The following XIAP variants were observed in gnomAD, a reference collection of about 807,000 sequenced individuals.
XIAP encodes the protein E3 ubiquitin-protein ligase XIAP.
XIAP carries 3 observed loss-of-function variants against 33.1 expected under a neutral mutation model. The ratio of observed to expected loss-of-function variants is 0.09; its 90% CI spans 0.04 to 0.23. The LOEUF is 0.23. XIAP is among the 10% of genes least tolerant of loss of function. The probability of loss-of-function intolerance (pLI) is 1.00; values close to 1 mark genes in which losing one functional copy is unlikely to be tolerated. For missense variants in XIAP, 264 were observed against 363.0 expected (o/e 0.73, Z 2.22); for synonymous variants, 98 against 121.3 (o/e 0.81, Z 1.26).
At chrX:123,890,621 C>T (rs1399862819) in intron 3 of XIAP, among the ~76,000 whole-genome samples, 1 of 87,351 alleles carries the variant, frequency 1.1e-5, no homozygotes. Context: ...GCCTGGGCGA[C>T]AGAGTGAGAC....
chrX:123,876,479 G>A (rs916495426), intron 1 of XIAP, among the ~76,000 whole-genome samples: 1 of 111,264 alleles, frequency 9.0e-6, no homozygotes, highest in Admixed American at 9.7e-5. Flanking sequence ...CAAGTCAGGA[G>A]TATAGCTTGA....
Position 123,908,767 on chromosome X carries a change from T to G in XIAP, c.*1586T>G, listed in dbSNP as rs746578209. On this transcript the variant is annotated 3_prime_UTR_variant, in exon 7 of 7. Transcript: ENST00000371199. ...GTTTAAATATTTTTTAAAAAACACT[T>G]GAATAAGAATCAGTAGGGTATAAAC... The G allele has an allele frequency of 2.9e-6, 1 of 346,077 alleles. No homozygotes were observed. The highest frequency in any genetic ancestry group is 2.7e-5 in the South Asian group (1 of 36,570). The allele number at this position is 346,077 out of a possible 1,213,427, so 28.5% of individuals were successfully genotyped here. A position where few individuals can be genotyped will look rare whatever the true frequency, so the allele number is the denominator to read the frequency against.
At chrX:123,875,755 G>T (rs945010722) in intron 1 of XIAP, among the ~76,000 whole-genome samples, 60 of 108,562 alleles carry the variant, frequency 5.5e-4, no homozygotes, top group African/African-American at 2.0e-3. Context: ...GCACCATCTC[G>T]GTTCACTGCA....
At chrX:123,896,335 G>A (rs1258072237) in intron 5 of XIAP, among the ~76,000 whole-genome samples, 1 of 111,365 alleles carries the variant, frequency 9.0e-6, no homozygotes, top group Non-Finnish European at 1.9e-5. Context: ...CCAAAGTGCT[G>A]GGATTACAGG....
intron 1 of XIAP, among the ~76,000 whole-genome samples, chrX:123,883,032 T>C (rs903219673): frequency 9.1e-6 from 1 of 110,026 alleles, no homozygotes; most frequent in Non-Finnish European, 1.9e-5. Flanking sequence ...TGACCTCAGG[T>C]GACCCACCCT....
At chrX:123,861,091 A>G (rs1168291848) in intron 1 of XIAP, among the ~76,000 whole-genome samples, 1 of 111,624 alleles carries the variant, frequency 9.0e-6, no homozygotes, top group Non-Finnish European at 1.9e-5. Context: ...ATAGTCAATG[A>G]ACAGTGTTAC....
chrX:123,879,994 G>T (rs779546944), intron 1 of XIAP, among the ~76,000 whole-genome samples: 15 of 109,535 alleles, frequency 1.4e-4, no homozygotes, highest in African/African-American at 5.0e-4. Flanking sequence ...CGTGCCTGTA[G>T]TCCCAGCTAC....
At chrX:123,864,097 AATT>A (rs1203873239) in intron 1 of XIAP, among the ~76,000 whole-genome samples, 1 of 109,744 alleles carries the variant, frequency 9.1e-6, no homozygotes, top group Non-Finnish European at 1.9e-5. Flanking sequence ...AGTTTCTCAA[AATT>A]ATTATAATTA....
intron 5 of XIAP, among the ~76,000 whole-genome samples, chrX:123,895,290 T>A (rs1167380153): frequency 8.9e-6 from 1 of 112,267 alleles, no homozygotes; most frequent in African/African-American, 3.2e-5. Flanking sequence ...TTCATTCTTT[T>A]CTATTGTAGA....
chrX:123,880,531 GT>G (rs1418555419), intron 1 of XIAP, among the ~76,000 whole-genome samples: 14 of 108,477 alleles, frequency 1.3e-4, no homozygotes, highest in African/African-American at 4.4e-4. Context: ...GAGATCAGCA[GT>G]TCAATTCCAG....
chrX:123,893,778 T>C, intron 5 of XIAP, among the ~76,000 whole-genome samples: 1 of 111,718 alleles, frequency 9.0e-6, no homozygotes. Flanking sequence ...GCAGTGGAGA[T>C]TGCAGCCAGC....
At chrX:123,899,200 A>ATT (rs74417370) in intron 5 of XIAP, among the ~76,000 whole-genome samples, 4,140 of 42,992 alleles carry the variant, frequency 0.096, 553 homozygotes, top group South Asian at 0.24. Flanking sequence ...TATATATATG[A>ATT]TTGTGTATAT....
At chrX:123,872,292 C>A (rs1254878217) in intron 1 of XIAP, among the ~76,000 whole-genome samples, 1 of 109,182 alleles carries the variant, frequency 9.2e-6, no homozygotes, top group Non-Finnish European at 1.9e-5. Flanking sequence ...AGATATCACT[C>A]AGAAAAATTT....
rs1013726222 is a variant in XIAP at position 123,909,970 on chromosome X, C to T, written c.*2789C>T. On this transcript the variant is annotated 3_prime_UTR_variant, in exon 7 of 7. Transcript: ENST00000371199. ...AGCCATATCCAAATCTTTTCCCCCT[C>T]CCAAGAGTTCTCAGTGTCTACATGT... The T allele has an allele frequency of 3.0e-6, 1 of 329,790 alleles. No homozygotes were observed. The highest frequency in any genetic ancestry group is 9.7e-5 in the East Asian group (1 of 10,340). 27.2% of individuals were successfully genotyped at this position (329,790 alleles called of 1,213,427 possible). A position where few individuals can be genotyped will look rare whatever the true frequency, so the allele number is the denominator to read the frequency against.
intron 1 of XIAP, among the ~76,000 whole-genome samples, chrX:123,873,398 A>G (rs1251401985): frequency 9.4e-6 from 1 of 106,319 alleles, no homozygotes; most frequent in Non-Finnish European, 1.9e-5. Flanking sequence ...GGCCTCAAAC[A>G]CCTGGGCTCA....
intron 5 of XIAP, among the ~76,000 whole-genome samples, chrX:123,899,875 T>G (rs2053501148): frequency 9.0e-6 from 1 of 111,538 alleles, no homozygotes; most frequent in African/African-American, 3.3e-5. Flanking sequence ...AGATATACAC[T>G]CATTTTTAAT....
intron 3 of XIAP, among the ~76,000 whole-genome samples, chrX:123,889,710 G>T (rs1407530910): frequency 9.1e-6 from 1 of 109,700 alleles, no homozygotes; most frequent in Non-Finnish European, 1.9e-5. Context: ...GTAGAGACAG[G>T]GTTTGACCAT....
At chrX:123,875,221 A>G (rs2053233663) in intron 1 of XIAP, among the ~76,000 whole-genome samples, 1 of 107,888 alleles carries the variant, frequency 9.3e-6, no homozygotes, top group African/African-American at 3.4e-5. Context: ...ACGGGGTTTC[A>G]CCATGGCCAG....
chrX:123,880,835 A>G (rs900568736), intron 1 of XIAP, among the ~76,000 whole-genome samples: 7 of 109,135 alleles, frequency 6.4e-5, no homozygotes, highest in Admixed American at 2.0e-4. Flanking sequence ...CCCCACCTCC[A>G]CATTCCCACA....
Sources: allele counts gnomAD v4.1 joint callset (sites outside exome capture counted in the v4.1 genomes callset), GRCh38; gene constraint gnomAD v4.1.1; transcripts MANE v1.5; gene names NCBI Gene and HGNC (gene_info 2026-07-23, HGNC 2026-07-21).